Variants in CLYBL observed in about 807,000 individuals in gnomAD.
The protein encoded by CLYBL is citramalyl-CoA lyase.
CLYBL carries 31 observed loss-of-function variants against 38.9 expected under a neutral mutation model. The ratio of observed to expected loss-of-function variants is 0.80; its 90% CI spans 0.60 to 1.08. CLYBL has a LOEUF of 1.08. CLYBL is among the 50% of genes least tolerant of loss of function. The pLI, the probability that CLYBL is intolerant of heterozygous loss-of-function variation, is 0.00. For missense variants in CLYBL, 434 were observed against 411.6 expected (o/e 1.05, Z -0.47); for synonymous variants, 171 against 158.6 (o/e 1.08, Z -0.59).
chr13:99,843,060 G>A (rs2051122383), intron 2 of CLYBL, among the ~76,000 whole-genome samples: 1 of 152,172 alleles, frequency 6.6e-6, no homozygotes, highest in Non-Finnish European at 1.5e-5. Flanking sequence ...GGCACAGTGA[G>A]GTTAAGAGAC....
chr13:99,655,155 A>C (rs1054521895), intron 1 of CLYBL, among the ~76,000 whole-genome samples: 20 of 150,584 alleles, frequency 1.3e-4, no homozygotes, highest in African/African-American at 4.6e-4. Context: ...GGCTCACTGC[A>C]ATCTCTGCTT....
chr13:99,821,917 C>T (rs1044937190), intron 2 of CLYBL, among the ~76,000 whole-genome samples: 4 of 152,220 alleles, frequency 2.6e-5, no homozygotes, highest in Admixed American at 6.5e-5. Context: ...TCCCCTCCCA[C>T]GCTGATTCTG....
chr13:99,724,850 T>C (rs1389145669), intron 1 of CLYBL, among the ~76,000 whole-genome samples: 1 of 152,174 alleles, frequency 6.6e-6, no homozygotes, highest in Non-Finnish European at 1.5e-5. Flanking sequence ...ATGGAACAAG[T>C]GTTCCTTGTG....
At chr13:99,879,942 A>G (rs1477952641) in intron 7 of CLYBL, among the ~76,000 whole-genome samples, 1 of 151,932 alleles carries the variant, frequency 6.6e-6, no homozygotes, top group Non-Finnish European at 1.5e-5. Flanking sequence ...TACTCCTAAC[A>G]GTAGTGGTGG....
At chr13:99,777,984 A>G (rs2049558672) in intron 2 of CLYBL, among the ~76,000 whole-genome samples, 1 of 152,190 alleles carries the variant, frequency 6.6e-6, no homozygotes, top group Non-Finnish European at 1.5e-5. Flanking sequence ...TGTATGTCCT[A>G]ACCCACGTTT....
At chr13:99,644,680 A>G (rs2047150894) in intron 1 of CLYBL, among the ~76,000 whole-genome samples, 1 of 152,102 alleles carries the variant, frequency 6.6e-6, no homozygotes, top group Non-Finnish European at 1.5e-5. Flanking sequence ...TACCCTTCCC[A>G]GCCCCTGATA....
intron 1 of CLYBL, among the ~76,000 whole-genome samples, chr13:99,771,606 G>GTATGAGCTAAAGCATA (rs2049397071): frequency 1.3e-5 from 2 of 152,142 alleles, no homozygotes; most frequent in African/African-American, 4.8e-5. Flanking sequence ...GCTAAAGCAT[G>GTATGAGCTAAAGCATA]GTTTTCACGG....
intron 1 of CLYBL, among the ~76,000 whole-genome samples, chr13:99,711,033 G>A (rs1435750561): frequency 1.3e-4 from 20 of 151,292 alleles, no homozygotes; most frequent in Admixed American, 1.2e-3. Flanking sequence ...GATTACAGGC[G>A]TCTGCCACCA....
At chr13:99,616,536 C>A (rs1198775984) in intron 1 of CLYBL, among the ~76,000 whole-genome samples, 1 of 152,220 alleles carries the variant, frequency 6.6e-6, no homozygotes, top group Non-Finnish European at 1.5e-5. Context: ...ACAGCCTTGG[C>A]TGTCACACTG....
In CLYBL at chr13:99,678,062, C is replaced by T. The variant is rs73564266; in HGVS notation, c.62+71305C>T. ...ATTCACTTAAGATGGTTTACATTTG[C>T]GCGTGTTTTCCACTGGAAATAGCCA... On this transcript the variant is annotated intron_variant, in intron 1 of 8. Transcript: ENST00000339105. Among the ~76,000 whole-genome samples the T allele has an allele frequency of 4.8e-3, 731 of 152,256 alleles. 3 individuals are homozygous for T. Among genetic ancestry groups the T allele is most frequent in the African/African-American group, 0.017 (687 of 41,542 alleles).
chr13:99,758,301 GC>G (rs1484044283), intron 1 of CLYBL, among the ~76,000 whole-genome samples: 3 of 152,100 alleles, frequency 2.0e-5, no homozygotes, highest in Non-Finnish European at 4.4e-5. Context: ...CAAAAACAAG[GC>G]CAGGTGGGGG....
At chr13:99,612,724 C>A (rs1340801053) in intron 1 of CLYBL, among the ~76,000 whole-genome samples, 1 of 152,144 alleles carries the variant, frequency 6.6e-6, no homozygotes. Context: ...TCAGTAATTA[C>A]TTTACAGCCA....
intron 2 of CLYBL, among the ~76,000 whole-genome samples, chr13:99,796,859 C>T (rs2050032039): frequency 6.6e-6 from 1 of 152,098 alleles, no homozygotes; most frequent in Admixed American, 6.6e-5. Flanking sequence ...CCACCTACTC[C>T]ATCTAGTCAG....
chr13:99,761,179 C>G (rs868011901), intron 1 of CLYBL, among the ~76,000 whole-genome samples: 12 of 152,068 alleles, frequency 7.9e-5, no homozygotes, highest in Middle Eastern at 3.2e-3. Flanking sequence ...CAGTGAAACC[C>G]CATCTCTACT....
intron 1 of CLYBL, among the ~76,000 whole-genome samples, chr13:99,694,848 A>G (rs1486664592): frequency 2.0e-5 from 3 of 152,224 alleles, no homozygotes; most frequent in Non-Finnish European, 4.4e-5. Flanking sequence ...AACAGTTACA[A>G]GGAAACTTGC....
exon 10 of CLYBL, among the ~76,000 whole-genome samples, chr13:99,908,917 G>A (rs1026826628): frequency 6.6e-6 from 1 of 152,138 alleles, no homozygotes; most frequent in African/African-American, 2.4e-5. Flanking sequence ...AGAGGCTGAG[G>A]ATATAGAAAT....
chr13:99,692,536 C>G (rs1428303947), intron 1 of CLYBL, among the ~76,000 whole-genome samples: 6 of 152,160 alleles, frequency 3.9e-5, no homozygotes, highest in Non-Finnish European at 8.8e-5. Flanking sequence ...TTATGATCCA[C>G]CCGCCTCACC....
At chr13:99,815,854 G>A (rs952148292) in intron 2 of CLYBL, among the ~76,000 whole-genome samples, 45 of 152,256 alleles carry the variant, frequency 3.0e-4, no homozygotes, top group African/African-American at 1.0e-3. Context: ...TCCAGCCTGG[G>A]TGACGGGGAG....
At chr13:99,784,798 G>T (rs1309085585) in intron 2 of CLYBL, among the ~76,000 whole-genome samples, 2 of 152,120 alleles carry the variant, frequency 1.3e-5, no homozygotes, top group African/African-American at 4.8e-5. Context: ...GCATTAAAAA[G>T]TACTTTTGTT....
Sources: allele counts gnomAD v4.1 joint callset (sites outside exome capture counted in the v4.1 genomes callset), GRCh38; gene constraint gnomAD v4.1.1; transcripts MANE v1.5; gene names NCBI Gene and HGNC (gene_info 2026-07-23, HGNC 2026-07-21).